The following KALRN variants were observed in gnomAD, a reference collection of about 807,000 sequenced individuals.
KALRN encodes the protein kalirin RhoGEF kinase.
In KALRN, 70 loss-of-function variants were observed where a neutral mutation model predicts 353.7. The ratio of observed to expected loss-of-function variants is 0.20; its 90% CI spans 0.16 to 0.24. KALRN has a LOEUF of 0.24. Among genes scored for constraint, KALRN ranks in the 10% least tolerant of loss-of-function variants. The probability of loss-of-function intolerance (pLI) is 1.00; values close to 1 mark genes in which losing one functional copy is unlikely to be tolerated. For missense variants in KALRN, 2,791 were observed against 3,756.7 expected, an observed-to-expected ratio of 0.74 and a Z score of 6.72; for synonymous variants, 1,391 against 1,434.8, an observed-to-expected ratio of 0.97 and a Z score of 0.69.
intron 1 of KALRN, among the ~76,000 whole-genome samples, chr3:124,218,062 T>C (rs1267176692): frequency 6.6e-6 from 1 of 152,044 alleles, no homozygotes; most frequent in African/African-American, 2.4e-5. Context: ...CCTGTGAGGG[T>C]CCTCTGCCCT....
chr3:124,360,674 A>G (rs1029260244), intron 10 of KALRN, among the ~76,000 whole-genome samples: 1 of 152,230 alleles, frequency 6.6e-6, no homozygotes, highest in African/African-American at 2.4e-5. Context: ...AAAGCAAACC[A>G]TTTATTACCA....
intron 21 of KALRN, among the ~76,000 whole-genome samples, chr3:124,447,106 G>A (rs541063075): frequency 6.6e-6 from 1 of 152,292 alleles, no homozygotes; most frequent in East Asian, 1.9e-4. Context: ...GAAGTCAATT[G>A]CTATATACTG....
intron 28 of KALRN, among the ~76,000 whole-genome samples, chr3:124,483,629 G>A (rs373606972): frequency 6.6e-6 from 1 of 152,228 alleles, no homozygotes; most frequent in East Asian, 1.9e-4. Context: ...ATGGGTAGTC[G>A]AGGCCAGGGT....
At chr3:124,462,428 G>C in intron 24 of KALRN, 96 bp from the exon 25 acceptor site, 1 of 696,504 alleles carries the variant, frequency 1.4e-6, no homozygotes, top group South Asian at 1.7e-5. Context: ...TTTACAGTTT[G>C]AGTCTTGCCC....
chr3:124,146,084 A>G (rs2067286025), intron 1 of KALRN, among the ~76,000 whole-genome samples: 2 of 152,226 alleles, frequency 1.3e-5, no homozygotes, highest in African/African-American at 4.8e-5. Flanking sequence ...GCACTCAGAG[A>G]GCATACAATC....
At chr3:124,538,773 T>C (rs1468944777) in intron 33 of KALRN, among the ~76,000 whole-genome samples, 6 of 152,348 alleles carry the variant, frequency 3.9e-5, no homozygotes, top group Admixed American at 6.5e-5. Context: ...CGCTGAGTCT[T>C]GGCATCTCCA....
intron 31 of KALRN, among the ~76,000 whole-genome samples, chr3:124,491,960 C>G (rs767884611): frequency 6.6e-6 from 1 of 152,076 alleles, no homozygotes; most frequent in South Asian, 2.1e-4. Flanking sequence ...CAAGAGGGAG[C>G]CTTTCACCAG....
intron 6 of KALRN, among the ~76,000 whole-genome samples, chr3:124,319,958 C>A (rs1476823460): frequency 6.6e-6 from 1 of 152,050 alleles, no homozygotes; most frequent in Non-Finnish European, 1.5e-5. Flanking sequence ...TGTGCTACTA[C>A]ACTCCAGCCT....
intron 57 of KALRN, among the ~76,000 whole-genome samples, chr3:124,706,281 TGG>T (rs1394942665): frequency 6.6e-6 from 1 of 152,168 alleles, no homozygotes; most frequent in Non-Finnish European, 1.5e-5. Flanking sequence ...TTGAAGGCAG[TGG>T]AGCCATTCTG....
At chr3:124,364,695 A>G (rs1473530347) in intron 10 of KALRN, among the ~76,000 whole-genome samples, 1 of 152,128 alleles carries the variant, frequency 6.6e-6, no homozygotes, top group Non-Finnish European at 1.5e-5. Context: ...TCATTAGCAT[A>G]GGTCTCCTTC....
rs376876751 is a variant in KALRN, at chr3:124,632,699, A to G, written c.5462A>G (p.Asp1821Gly). 6.3e-5 allele frequency: 102 copies of G among 1,613,550 alleles called. No homozygotes were observed. The Admixed American group carries it at 1.7e-3, about 26-fold the overall frequency. ...DETTPQGDSA[D>G]ESKKGWGEDE... ...ACAACCCCTCAGGGAGACAGCGCTG[A>G]TGAGGTACTTACAGGGGGCCCTGGA... The change falls in exon 35 of 60, where the codon GAT becomes GGT. Residue 1821 changes from aspartate (D) to glycine (G), a missense_variant. Coordinates refer to ENST00000682506, the MANE Select transcript of KALRN (RefSeq NM_001388419.1).
At chr3:124,430,317 T>G (rs1321177797) in intron 15 of KALRN, among the ~76,000 whole-genome samples, 1 of 152,204 alleles carries the variant, frequency 6.6e-6, no homozygotes, top group Non-Finnish European at 1.5e-5. Context: ...CAGATGGAAT[T>G]TATTTATTTA....
At chr3:124,518,803 C>T in intron 33 of KALRN, 2 of 1,217,204 alleles carry the variant, frequency 1.6e-6, no homozygotes, top group South Asian at 2.3e-5. Flanking sequence ...CGCCCAGGCT[C>T]CTGCTGCCCT....
intron 1 of KALRN, among the ~76,000 whole-genome samples, chr3:124,089,872 C>G (rs1029136732): frequency 6.6e-6 from 1 of 152,118 alleles, no homozygotes; most frequent in Non-Finnish European, 1.5e-5. Flanking sequence ...CCACCCCCAC[C>G]ACTGCTTACC....
intron 1 of KALRN, among the ~76,000 whole-genome samples, chr3:124,147,264 A>G (rs971114697): frequency 9.2e-5 from 14 of 152,292 alleles, no homozygotes; most frequent in African/African-American, 2.6e-4. Flanking sequence ...CTGCCCATCC[A>G]GACATTCCAG....
At chr3:124,530,597 C>G (rs1170493735) in intron 33 of KALRN, among the ~76,000 whole-genome samples, 1 of 151,992 alleles carries the variant, frequency 6.6e-6, no homozygotes, top group Non-Finnish European at 1.5e-5. Context: ...CTCACTGTTT[C>G]CCAAGCTAGT....
In KALRN at chr3:124,642,805, C is replaced by CGTT. The variant is rs148023784; in HGVS notation, c.5664+5503_5664+5505dup. On this transcript the variant is annotated intron_variant, in intron 37 of 59. Coordinates refer to ENST00000682506, the MANE Select transcript of KALRN (RefSeq NM_001388419.1). The stretch of plus-strand genomic sequence containing the variant: ...TTCTGTGGAAGAGATTCCCAAGCCT[C>CGTT]GTTTTTTTTTTTTTTTTTTTTGAGA... Among the ~76,000 whole-genome samples the CGTT allele has an allele frequency of 2.3e-3, 232 of 102,508 alleles. 16 individuals are homozygous for CGTT. Among genetic ancestry groups the CGTT allele is most frequent in the African/African-American group, 8.0e-3 (204 of 25,410 alleles). 67.2% of individuals were successfully genotyped at this position (102,508 alleles called of 152,430 possible).
chr3:124,510,956 T>A (rs1302798765), intron 33 of KALRN, among the ~76,000 whole-genome samples: 2 of 152,126 alleles, frequency 1.3e-5, no homozygotes, highest in African/African-American at 2.4e-5. Context: ...TTCTCCACAT[T>A]TTTTTTCTGA....
At chr3:124,571,277 A>G (rs1038828499) in intron 34 of KALRN, among the ~76,000 whole-genome samples, 1 of 152,214 alleles carries the variant, frequency 6.6e-6, no homozygotes, top group Non-Finnish European at 1.5e-5. Flanking sequence ...AAATTCAACA[A>G]TCCTGACTTG....
Sources: allele counts gnomAD v4.1 joint callset (sites outside exome capture counted in the v4.1 genomes callset), GRCh38; gene constraint gnomAD v4.1.1; transcripts MANE v1.5; gene names NCBI Gene and HGNC (gene_info 2026-07-23, HGNC 2026-07-21).